The following BCAR1 variants were observed in gnomAD, a reference collection of about 807,000 sequenced individuals.
BCAR1 encodes BCAR1 scaffold protein, Cas family member.
Under a neutral mutation model 67.6 loss-of-function variants are expected in BCAR1, and 30 were observed. That is an observed-to-expected ratio of 0.44 (90% confidence interval 0.33 to 0.60). BCAR1 has a LOEUF of 0.60. Ranked by LOEUF, BCAR1 falls within the 20% of genes least tolerant of loss-of-function variation. The pLI is 0.02. For missense variants in BCAR1, 1,313 were observed against 1,222.3 expected (o/e 1.07, Z -1.11); for synonymous variants, 626 against 556.7 (o/e 1.12, Z -1.75).
At chr16:75,245,551 A>C (rs1035013933) in intron 1 of BCAR1, among the ~76,000 whole-genome samples, 33 of 152,140 alleles carry the variant, frequency 2.2e-4, no homozygotes, top group African/African-American at 7.2e-4. Flanking sequence ...GGCCCAGGTG[A>C]GCGGCTGGGG....
chr16:75,236,653 G>A, intron 4 of BCAR1: 2 of 794,468 alleles, frequency 2.5e-6, no homozygotes, highest in Non-Finnish European at 3.6e-6. Context: ...TACCCTCTCA[G>A]GAGCTCATGG....
intron 1 of BCAR1, among the ~76,000 whole-genome samples, chr16:75,250,387 T>A (rs1235293714): frequency 6.6e-6 from 1 of 151,850 alleles, no homozygotes; most frequent in Non-Finnish European, 1.5e-5. Flanking sequence ...GGGAAAGGAA[T>A]GGGCACAAGA....
chr16:75,263,541 G>A, intron 1 of BCAR1: 1 of 985,508 alleles, frequency 1.0e-6, no homozygotes, highest in Non-Finnish European at 1.2e-6. Context: ...CTGCATGTGA[G>A]TCAAATGACA....
Position 75,236,865 on chromosome 16 carries a change from C to G in BCAR1, c.912+17G>C, listed in dbSNP as rs755023501. The G allele has an allele frequency of 1.2e-6, 2 of 1,609,316 alleles. No homozygotes were observed. The highest frequency in any genetic ancestry group is 1.7e-6 in the Non-Finnish European group (2 of 1,177,860). Reference sequence around the variant, plus strand: ...CAGCCTCAGCCTGGCCCTGGCATTGCCCTGGCATTTGCTCACTGCGTGGTG... The same window carrying G: ...CAGCCTCAGCCTGGCCCTGGCATTGGCCTGGCATTTGCTCACTGCGTGGTG... On this transcript the variant is annotated intron_variant, in intron 4 of 6. Transcript: ENST00000162330.
rs1261376986 is a variant in BCAR1, at chr16:75,235,491, C to T, written c.1408G>A (p.Val470Met). The T allele has an allele frequency of 2.5e-6, 4 of 1,600,758 alleles. No individual in the cohort carries two copies. The highest frequency in any genetic ancestry group is 1.3e-5 in the African/African-American group (1 of 74,856). The change falls in exon 5 of 7, where the codon GTG becomes ATG. Residue 470 changes from valine (V) to methionine (M), a missense_variant. Around this residue, in one of 2 missense-constraint regions of BCAR1, gnomAD observed 1,272 missense variants for 1,137.5 expected, o/e 1.12. Transcript: ENST00000162330. ...AGAAGGTGGGCAACGGTGGCGCTCACACCCTGCTGCAGCCGTGCCAGGGCC... is the reference window on the plus strand; with the variant it reads ...AGAAGGTGGGCAACGGTGGCGCTCATACCCTGCTGCAGCCGTGCCAGGGCC... The part of the protein sequence containing the change: ...VEALARLQQG[V>M]SATVAHLLDL...
At chr16:75,242,408 C>A (rs1164722984) in intron 2 of BCAR1, 62 bp downstream of exon 2, 1 of 1,339,422 alleles carries the variant, frequency 7.5e-7, no homozygotes, top group Non-Finnish European at 9.6e-7. Flanking sequence ...CCCTTCTGTG[C>A]CCACAAACCA....
chr16:75,260,535 G>A (rs899180830), intron 1 of BCAR1, among the ~76,000 whole-genome samples: 1 of 151,286 alleles, frequency 6.6e-6, no homozygotes, highest in Non-Finnish European at 1.5e-5. Context: ...TTGGGAGGCT[G>A]AGGCAAGAGA....
At chr16:75,236,813 C>A (rs748647189) in intron 4 of BCAR1, 69 bp downstream of exon 4, 2 of 1,559,892 alleles carry the variant, frequency 1.3e-6, no homozygotes, top group African/African-American at 1.4e-5. Flanking sequence ...CTGGTCAGCA[C>A]CCCTGTGCAC....
At chr16:75,233,546 A>G (rs1489103715) in intron 6 of BCAR1, among the ~76,000 whole-genome samples, 1 of 152,226 alleles carries the variant, frequency 6.6e-6, no homozygotes, top group African/African-American at 2.4e-5. Flanking sequence ...TGGAGGAAGG[A>G]GCAGGGCAGA....
intron 1 of BCAR1, among the ~76,000 whole-genome samples, chr16:75,265,412 A>G (rs1237388567): frequency 6.6e-6 from 1 of 152,088 alleles, no homozygotes; most frequent in Admixed American, 6.5e-5. Context: ...CCGGCCCAGC[A>G]GTCCCGGAGG....
At chr16:75,237,916 G>C (rs908060071) in intron 2 of BCAR1, among the ~76,000 whole-genome samples, 1 of 152,208 alleles carries the variant, frequency 6.6e-6, no homozygotes, top group African/African-American at 2.4e-5. Flanking sequence ...AGGGCCAGAG[G>C]GGCAGGTTGG....
intron 1 of BCAR1, 95 bp from the exon 2 acceptor site, chr16:75,243,185 T>C: frequency 1.3e-5 from 17 of 1,306,362 alleles, no homozygotes; most frequent in Non-Finnish European, 1.8e-5. Context: ...GGTGCCCAGC[T>C]TTGATACTAG....
chr16:75,234,178 C>T (rs1350271479), intron 5 of BCAR1, among the ~76,000 whole-genome samples: 2 of 150,468 alleles, frequency 1.3e-5, no homozygotes, highest in Non-Finnish European at 1.5e-5. Context: ...CACACACACA[C>T]ACACACACAC....
In BCAR1 at chr16:75,235,118, G is replaced by A; in HGVS notation, c.1781C>T (p.Ala594Val). 6.2e-7 allele frequency: 1 copy of A among 1,611,008 alleles called. No homozygotes were observed. The highest frequency in any genetic ancestry group is 8.5e-7 in the Non-Finnish European group (1 of 1,180,002). The change falls in exon 5 of 7, where the codon GCC becomes GTC. Residue 594 changes from alanine to valine, a missense_variant. Physicochemically the swap from Ala to Val is moderately conservative, Grantham distance 64. Coordinates refer to ENST00000162330, the MANE Select transcript of BCAR1 (RefSeq NM_014567.5). ...RAVPEDAKQL[A>V]SFLHGNASLL... Reference sequence around the variant, plus strand: ...TGAGGCATTGCCGTGCAGGAAGGAGGCCAGCTGCTTGGCGTCCTCGGGCAC... The same window carrying A: ...TGAGGCATTGCCGTGCAGGAAGGAGACCAGCTGCTTGGCGTCCTCGGGCAC...
At chr16:75,245,453 G>C (rs2077484811) in intron 1 of BCAR1, among the ~76,000 whole-genome samples, 1 of 152,200 alleles carries the variant, frequency 6.6e-6, no homozygotes, top group Non-Finnish European at 1.5e-5. Flanking sequence ...CCATCAGGCA[G>C]GGCCAGGCAC....
At position 75,240,091 on chromosome 16, in the gene BCAR1, C is replaced by G. The variant is rs548074477; in HGVS notation, c.633+2379G>C. ...CCTCTCCCTCAGCCATACGGGCCAC[C>G]AGGCTCCCACCTTAGCAACCACTGG... On this transcript the variant is annotated intron_variant, in intron 2 of 6. Coordinates refer to ENST00000162330, the MANE Select transcript of BCAR1 (RefSeq NM_014567.5). Among the ~76,000 whole-genome samples the G allele has an allele frequency of 2.6e-5, 4 of 152,318 alleles. No individual in the cohort carries two copies. In the South Asian group the frequency reaches 6.2e-4, roughly 24 times the overall value.
chr16:75,240,978 C>T (rs1341979923), intron 2 of BCAR1, among the ~76,000 whole-genome samples: 2 of 152,246 alleles, frequency 1.3e-5, no homozygotes, highest in African/African-American at 4.8e-5. Flanking sequence ...GGCTTCCAGC[C>T]GCACCAGGAC....
At position 75,235,524 on chromosome 16, in the gene BCAR1, C is replaced by T; in HGVS notation, c.1375G>A (p.Ala459Thr). The T allele has an allele frequency of 6.3e-7, 1 of 1,595,674 alleles. No homozygotes were observed. The highest frequency in any genetic ancestry group is 8.5e-7 in the Non-Finnish European group (1 of 1,171,840). ...TGCAGCCGTGCCAGGGCCTCCACAG[C>T]AACTTCCAGCTCCAGGGGTTCCCGG... ...PGREPLELEVAVEALARLQQG... is the reference protein window; with the variant it reads ...PGREPLELEVTVEALARLQQG... The change falls in exon 5 of 7, where the codon GCT (alanine) becomes ACT (threonine). Residue 459 changes from alanine (A) to threonine (T), a missense_variant. Ala to Thr is a moderately conservative substitution (Grantham distance 58). Transcript: ENST00000162330.
Position 75,251,457 on chromosome 16 carries a change from CCTGGCGCCCT to C in BCAR1, c.12+4_12+13del. On this transcript the variant is annotated splice_donor_5th_base_variant and intron_variant, in intron 1 of 6. Coordinates refer to ENST00000162330, the MANE Select transcript of BCAR1 (RefSeq NM_014567.5). ...CAAGCCCGTACGCGGCCCGGCCCCA[CCTGGCGCCCT>C]CACCAGGTGGTTCATGGTGTCCGGC... 1 of 1,455,624 alleles carries C rather than the reference CCTGGCGCCCT, an allele frequency of 6.9e-7. No homozygotes were observed. The highest frequency in any genetic ancestry group is 9.1e-7 in the Non-Finnish European group (1 of 1,103,750). The allele number at this position is 1,455,624 out of a possible 1,614,324, so 90.2% of individuals were successfully genotyped here. A position where few individuals can be genotyped will look rare whatever the true frequency, so the allele number is the denominator to read the frequency against.
Sources: gnomAD v4.1 joint callset for allele counts (sites outside exome capture counted in the v4.1 genomes callset) on GRCh38, gnomAD v4.1.1 for gene constraint, gnomAD v4.1.1 regional missense constraint, MANE v1.5 for transcripts, NCBI Gene and HGNC (gene_info 2026-07-23, HGNC 2026-07-21) for gene names.